Variants in MYO18B observed in about 807,000 individuals in gnomAD.
MYO18B encodes the protein unconventional myosin-XVIIIb.
In MYO18B, 204 loss-of-function variants were observed where a neutral mutation model predicts 273.0. The observed-to-expected ratio is 0.75, with a 90% CI of 0.67 to 0.84. The LOEUF (loss-of-function observed/expected upper bound fraction) is 0.84. Ranked by LOEUF, MYO18B falls within the 40% of genes least tolerant of loss-of-function variation. The probability of loss-of-function intolerance (pLI) is 0.00; values close to 1 mark genes in which losing one functional copy is unlikely to be tolerated. For missense variants in MYO18B, 3,212 were observed against 3,287.6 expected (o/e 0.98, Z 0.56); for synonymous variants, 1,330 against 1,305.7 (o/e 1.02, Z -0.40).
the MYO18B span, among the ~76,000 whole-genome samples, chr22:26,036,105 AGG>A: frequency 6.6e-6 from 1 of 152,200 alleles, no homozygotes; most frequent in African/African-American, 2.4e-5. Flanking sequence ...CAGCTAGAAG[AGG>A]CAGGTGTCAA....
At chr22:25,767,839 G>T (rs570316036) in intron 3 of MYO18B, among the ~76,000 whole-genome samples, 62 of 148,056 alleles carry the variant, frequency 4.2e-4, no homozygotes, top group Middle Eastern at 7.1e-3. Context: ...ATTTAGCTAA[G>T]GTCACACAGC....
chr22:25,829,844 T>A (rs539084965), intron 15 of MYO18B, among the ~76,000 whole-genome samples: 230 of 150,834 alleles, frequency 1.5e-3, no homozygotes, highest in Non-Finnish European at 2.6e-3. Context: ...TCTCAAAAAA[T>A]AATAATAATA....
intron 7 of MYO18B, among the ~76,000 whole-genome samples, chr22:25,777,202 G>A (rs2086947483): frequency 6.6e-6 from 1 of 152,182 alleles, no homozygotes; most frequent in African/African-American, 2.4e-5. Flanking sequence ...TGTGTCCATA[G>A]CAGACATCAC....
intron 39 of MYO18B, among the ~76,000 whole-genome samples, chr22:25,989,071 G>C (rs984104691): frequency 1.3e-5 from 2 of 152,136 alleles, no homozygotes; most frequent in Admixed American, 1.3e-4. Context: ...CTACCCTCCA[G>C]GAAGCTCCCT....
At chr22:25,943,858 T>A (rs1259230274) in intron 34 of MYO18B, among the ~76,000 whole-genome samples, 1 of 151,976 alleles carries the variant, frequency 6.6e-6, no homozygotes, top group African/African-American at 2.4e-5. Flanking sequence ...TAGCTGGGAT[T>A]ACAGGTATGT....
intron 1 of MYO18B, chr22:25,756,645 C>G (rs909498098): frequency 6.6e-6 from 1 of 152,288 alleles, no homozygotes; most frequent in African/African-American, 2.4e-5. Flanking sequence ...CAGCAGGGAC[C>G]AGCCAACTCT....
intron 21 of MYO18B, among the ~76,000 whole-genome samples, chr22:25,861,369 C>G (rs2090731317): frequency 6.6e-6 from 1 of 152,146 alleles, no homozygotes; most frequent in South Asian, 2.1e-4. Flanking sequence ...TGGATTAACC[C>G]TTTGTTGCTA....
In MYO18B at chr22:25,780,217, T is replaced by C. The variant is rs749452632; in HGVS notation, c.2211+19T>C. On this transcript the variant is annotated intron_variant, in intron 9 of 43. Coordinates refer to ENST00000335473, the MANE Select transcript of MYO18B (RefSeq NM_032608.7). ...GCTCCAGGTGAGGCCTCTCGGGGGA[T>C]GTGCAAGGGGGCCCTTGGGGCTGCT... is the stretch of plus-strand genomic sequence containing the variant. The C allele has an allele frequency of 2.5e-5, 40 of 1,593,722 alleles. No homozygotes were observed. The East Asian group carries it at 8.8e-4, about 35-fold the overall frequency.
At chr22:26,050,600 G>A in the MYO18B span, among the ~76,000 whole-genome samples, 5 of 152,116 alleles carry the variant, frequency 3.3e-5, no homozygotes, top group African/African-American at 1.2e-4. Context: ...TTCTCGACAG[G>A]GCACGTAGGA....
chr22:25,898,867 C>T (rs1601516088), intron 29 of MYO18B: 4 of 174,320 alleles, frequency 2.3e-5, no homozygotes, highest in Admixed American at 2.2e-4. Context: ...TTGAGCAGGT[C>T]ATTCAGTCCT....
chr22:26,043,839 G>C, the MYO18B span, among the ~76,000 whole-genome samples: 1 of 151,866 alleles, frequency 6.6e-6, no homozygotes, highest in South Asian at 2.1e-4. Flanking sequence ...TAGAGTTGAG[G>C]GTCTTACTAT....
At chr22:25,817,110 G>A (rs181751527) in intron 12 of MYO18B, among the ~76,000 whole-genome samples, 7 of 152,276 alleles carry the variant, frequency 4.6e-5, no homozygotes, top group Admixed American at 4.6e-4. Flanking sequence ...TCGACATAAA[G>A]GGAAAAACCT....
chr22:26,063,707 TG>T, the MYO18B span, among the ~76,000 whole-genome samples: 11 of 152,208 alleles, frequency 7.2e-5, no homozygotes, highest in African/African-American at 2.7e-4. Flanking sequence ...ACCACTTTGC[TG>T]GAATGTCTAT....
intron 21 of MYO18B, among the ~76,000 whole-genome samples, chr22:25,863,599 C>T (rs1266682496): frequency 6.6e-6 from 1 of 152,156 alleles, no homozygotes; most frequent in Non-Finnish European, 1.5e-5. Flanking sequence ...AGGAGTTGCG[C>T]CTATGTCTGC....
chr22:25,766,661 A>G (rs917497066), intron 3 of MYO18B, among the ~76,000 whole-genome samples: 4 of 152,230 alleles, frequency 2.6e-5, no homozygotes, highest in Non-Finnish European at 5.9e-5. Flanking sequence ...CAAGCTCAGC[A>G]TGGGCAACAG....
chr22:25,934,851 C>T (rs2092556327), intron 34 of MYO18B, among the ~76,000 whole-genome samples: 1 of 152,152 alleles, frequency 6.6e-6, no homozygotes, highest in South Asian at 2.1e-4. Context: ...CTTGAATTTT[C>T]TGTCTAGCTT....
rs533596830 is a variant in MYO18B at position 25,895,199 on chromosome 22, C to G, written c.4587C>G (p.Asn1529Lys). 1 of 1,611,536 alleles carries G rather than the reference C, an allele frequency of 6.2e-7. No individual in the cohort carries two copies. Among genetic ancestry groups the G allele is most frequent in the Non-Finnish European group, 8.5e-7 (1 of 1,179,032 alleles). Residue 1529 changes from asparagine (N) to lysine (K), a missense_variant, in exon 28 of 44, where the codon AAC becomes AAG. Asn to Lys is a moderately conservative substitution (Grantham distance 94). Transcript: ENST00000335473. ...GCTTCGACTGTGCTCAGATGGAGAA[C>G]GAGTTCCTCAGAAAGCGTCTGCAGC... ...QMRFDCAQME[N>K]EFLRKRLQQC...
intron 39 of MYO18B, among the ~76,000 whole-genome samples, chr22:25,980,863 TG>T (rs2093142090): frequency 6.6e-6 from 1 of 152,182 alleles, no homozygotes; most frequent in Admixed American, 6.5e-5. Flanking sequence ...TTCTGGAGGC[TG>T]GAAGTCCAAA....
At chr22:25,808,310 T>C (rs914712633) in intron 12 of MYO18B, among the ~76,000 whole-genome samples, 1 of 152,214 alleles carries the variant, frequency 6.6e-6, no homozygotes, top group Non-Finnish European at 1.5e-5. Flanking sequence ...AGCCCCAGGC[T>C]GGGGATCACT....
Sources: allele counts gnomAD v4.1 joint callset (sites outside exome capture counted in the v4.1 genomes callset), GRCh38; gene constraint gnomAD v4.1.1; transcripts MANE v1.5; gene names NCBI Gene and HGNC (gene_info 2026-07-23, HGNC 2026-07-21).